The following MBOAT2 variants were observed in gnomAD, a reference collection of about 807,000 sequenced individuals.
MBOAT2 encodes the protein membrane-bound glycerophospholipid O-acyltransferase 2.
MBOAT2 carries 28 observed loss-of-function variants against 63.4 expected under a neutral mutation model. The observed-to-expected ratio is 0.44, with a 90% CI of 0.33 to 0.61. MBOAT2 has a LOEUF of 0.61. MBOAT2 is among the 20% of genes least tolerant of loss of function. The probability of loss-of-function intolerance (pLI) is 0.03; values close to 1 mark genes in which losing one functional copy is unlikely to be tolerated. For missense variants in MBOAT2, 470 were observed against 605.8 expected, an observed-to-expected ratio of 0.78 and a Z score of 2.35; for synonymous variants, 211 against 215.6, an observed-to-expected ratio of 0.98 and a Z score of 0.19.
At chr2:8,901,803 C>A (rs954172605) in intron 4 of MBOAT2, among the ~76,000 whole-genome samples, 4 of 152,136 alleles carry the variant, frequency 2.6e-5, no homozygotes, top group Admixed American at 1.3e-4. Flanking sequence ...GAAGTTTATA[C>A]TAGAAATCAT....
chr2:8,896,275 T>C (rs1360845270), intron 4 of MBOAT2, among the ~76,000 whole-genome samples: 1 of 149,352 alleles, frequency 6.7e-6, no homozygotes, highest in African/African-American at 2.5e-5. Flanking sequence ...GTGAAAGGTG[T>C]TGTCTGATTG....
intron 4 of MBOAT2, among the ~76,000 whole-genome samples, chr2:8,900,667 G>A (rs1375700034): frequency 1.3e-5 from 2 of 152,166 alleles, no homozygotes; most frequent in East Asian, 3.9e-4. Context: ...GAGCTATAGG[G>A]AGGCTAGGAT....
chr2:8,908,763 G>T, intron 3 of MBOAT2, 47 bp from the exon 4 acceptor site: 2 of 1,132,412 alleles, frequency 1.8e-6, no homozygotes, highest in Non-Finnish European at 1.3e-6. Flanking sequence ...GACTCATTTT[G>T]TTAAAGAGTA....
At chr2:8,997,644 A>G (rs1032153178) in intron 1 of MBOAT2, among the ~76,000 whole-genome samples, 1 of 152,228 alleles carries the variant, frequency 6.6e-6, no homozygotes, top group Admixed American at 6.5e-5. Context: ...TGCATCAAAC[A>G]TCTACTAGAG....
At chr2:8,864,010 T>C (rs1439303689) in intron 10 of MBOAT2, among the ~76,000 whole-genome samples, 160 bp downstream of exon 10, 2 of 152,212 alleles carry the variant, frequency 1.3e-5, no homozygotes, top group African/African-American at 4.8e-5. Flanking sequence ...CATTCGATAC[T>C]GACTTGCTTA....
chr2:8,874,585 G>A (rs991083552), intron 7 of MBOAT2, among the ~76,000 whole-genome samples: 7 of 152,148 alleles, frequency 4.6e-5, no homozygotes, highest in Non-Finnish European at 7.3e-5. Context: ...TAAAGAACAC[G>A]AAAACAGCCT....
At chr2:8,985,846 G>A (rs1255275670) in intron 1 of MBOAT2, among the ~76,000 whole-genome samples, 2 of 152,138 alleles carry the variant, frequency 1.3e-5, no homozygotes, top group Non-Finnish European at 2.9e-5. Flanking sequence ...TTCTTCAGAG[G>A]TAAACCAGAG....
chr2:8,930,671 G>C (rs1353634839), intron 3 of MBOAT2, among the ~76,000 whole-genome samples: 2 of 141,730 alleles, frequency 1.4e-5, no homozygotes, highest in Admixed American at 1.5e-4. Context: ...TTCCACAACG[G>C]TTTGGACACA....
chr2:8,895,860 G>A (rs1041125815), intron 4 of MBOAT2, among the ~76,000 whole-genome samples: 3 of 152,190 alleles, frequency 2.0e-5, no homozygotes, highest in African/African-American at 7.2e-5. Flanking sequence ...TAAAGGGCAC[G>A]AAGGCAAGTA....
chr2:8,960,093 A>G (rs1669506397), intron 1 of MBOAT2, among the ~76,000 whole-genome samples: 1 of 152,186 alleles, frequency 6.6e-6, no homozygotes, highest in Non-Finnish European at 1.5e-5. Flanking sequence ...TAAAAGCAAA[A>G]TGTCTTTCCA....
At position 9,003,570 on chromosome 2, in the gene MBOAT2, G is replaced by A. The variant is rs1558704863; in HGVS notation, c.45C>T (p.Leu15=). The A allele has an allele frequency of 1.6e-6, 2 of 1,232,718 alleles. No individual in the cohort carries two copies. The highest frequency in any genetic ancestry group is 2.0e-6 in the Non-Finnish European group (2 of 981,582). The allele number at this position is 1,232,718 out of a possible 1,614,324, so 76.4% of individuals were successfully genotyped here. Reference sequence around the variant, plus strand: ...CGATGGGCAGCTGCACGGCGTTGCTGAGGGGCTGCAGCAGGGTGGAGCCCG... The same window carrying A: ...CGATGGGCAGCTGCACGGCGTTGCTAAGGGGCTGCAGCAGGGTGGAGCCCG... The part of the protein sequence containing the change: ...STTGSTLLQP[L]SNAVQLPIDQ... The change falls in exon 1 of 13, where the codon CTC becomes CTT. Residue 15 remains leucine, a synonymous_variant. Transcript: ENST00000305997. This position sits in a 1 kb window ranked among gnomAD's most constrained non-coding sequence, Gnocchi z 5.4.
chr2:8,885,514 A>C (rs959167351), intron 5 of MBOAT2, among the ~76,000 whole-genome samples: 1 of 152,206 alleles, frequency 6.6e-6, no homozygotes, highest in Non-Finnish European at 1.5e-5. Context: ...CTGTACAAAC[A>C]TTCTGTTAGG....
At chr2:8,870,479 T>C (rs186265350) in intron 8 of MBOAT2, among the ~76,000 whole-genome samples, 84 of 152,356 alleles carry the variant, frequency 5.5e-4, no homozygotes, top group African/African-American at 2.0e-3. Flanking sequence ...TTAAAGAATT[T>C]TGGAACTCTT....
chr2:8,946,799 G>A (rs916414646), intron 2 of MBOAT2, among the ~76,000 whole-genome samples: 12 of 152,112 alleles, frequency 7.9e-5, no homozygotes, highest in African/African-American at 2.2e-4. Flanking sequence ...TCCACTGACC[G>A]GCAGTCTCTG....
Position 8,862,652 on chromosome 2 carries a change from C to A in MBOAT2, c.1123G>T (p.Val375Leu). Reference protein sequence around the residue: ...TFILSAIWHGVYPGYYLTFLT... With the variant: ...TFILSAIWHGLYPGYYLTFLT... ...AACGTTAGATAATATCCTGGGTATA[C>A]CCCGTGCCAAATGGCAGAGAGAATG... Residue 375 changes from valine (V) to leucine (L), a missense_variant, in exon 11 of 13, where the codon GTA (valine) becomes TTA (leucine). Physicochemically the swap from Val to Leu is conservative, Grantham distance 32 (BLOSUM62 1). This residue lies in a region of MBOAT2 where 376 missense variants were observed against 503.8 expected (regional missense o/e 0.75). Coordinates refer to ENST00000305997, the MANE Select transcript of MBOAT2 (RefSeq NM_138799.4). The surrounding 1 kb of genome is among the most constrained non-coding windows in gnomAD (Gnocchi z 4.3). The A allele has an allele frequency of 2.5e-6, 4 of 1,614,120 alleles. No homozygotes were observed. Among genetic ancestry groups the A allele is most frequent in the Non-Finnish European group, 3.4e-6 (4 of 1,179,998 alleles).
chr2:8,884,734 C>T (rs1288970573), intron 5 of MBOAT2, among the ~76,000 whole-genome samples: 4 of 152,126 alleles, frequency 2.6e-5, no homozygotes, highest in Non-Finnish European at 4.4e-5. Context: ...TTACTGCTTT[C>T]GAAGTGTAAA....
intron 6 of MBOAT2, among the ~76,000 whole-genome samples, chr2:8,880,672 G>T (rs1663048440): frequency 6.6e-6 from 1 of 152,198 alleles, no homozygotes; most frequent in Non-Finnish European, 1.5e-5. Flanking sequence ...GCAGAAGCAG[G>T]GGCAGAGGAT....
intron 2 of MBOAT2, among the ~76,000 whole-genome samples, chr2:8,952,744 T>G (rs1460431845): frequency 1.3e-5 from 2 of 152,028 alleles, no homozygotes; most frequent in East Asian, 3.8e-4. Context: ...CGCCCTTTTT[T>G]TTTTTTTTTT....
chr2:8,876,625 T>C (rs1486557976), intron 7 of MBOAT2, among the ~76,000 whole-genome samples: 1 of 150,426 alleles, frequency 6.6e-6, no homozygotes, highest in East Asian at 1.9e-4. Flanking sequence ...AAAAAAGAAA[T>C]GGAGGATACA....
Sources: allele counts gnomAD v4.1 joint callset (sites outside exome capture counted in the v4.1 genomes callset), GRCh38; gene constraint gnomAD v4.1.1; regional missense constraint gnomAD v4.1.1; non-coding constraint Gnocchi (gnomAD v3.1); transcripts MANE v1.5; gene names NCBI Gene and HGNC (gene_info 2026-07-23, HGNC 2026-07-21).